The following PRKCH variants were observed in gnomAD, a reference collection of about 807,000 sequenced individuals.
PRKCH encodes protein kinase C eta, also known as protein kinase C eta type.
A neutral mutation model predicts 82.5 loss-of-function variants in PRKCH; 28 were observed. That is an observed-to-expected ratio of 0.34 (90% confidence interval 0.25 to 0.47). PRKCH has a LOEUF of 0.47. PRKCH is among the 20% of genes least tolerant of loss of function. The pLI, the probability that PRKCH is intolerant of heterozygous loss-of-function variation, is 1.00. For synonymous variants in PRKCH, 322 were observed against 327.4 expected (o/e 0.98, Z 0.18); for missense variants, 705 against 881.8 (o/e 0.80, Z 2.54).
intron 1 of PRKCH, among the ~76,000 whole-genome samples, chr14:61,345,475 C>T (rs2045980205): frequency 6.6e-6 from 1 of 152,182 alleles, no homozygotes; most frequent in South Asian, 2.1e-4. Context: ...TTCATGATGG[C>T]TGAAATAGCT....
chr14:61,324,184 G>A (rs1468902996), intron 1 of PRKCH, among the ~76,000 whole-genome samples: 2 of 152,186 alleles, frequency 1.3e-5, no homozygotes, highest in African/African-American at 4.8e-5. Context: ...AAAAGATGAG[G>A]ACTTCTTGGT....
chr14:61,410,799 C>G (rs539807495), intron 2 of PRKCH, among the ~76,000 whole-genome samples: 5 of 152,314 alleles, frequency 3.3e-5, no homozygotes, highest in African/African-American at 1.2e-4. Context: ...GGCCAGGTCC[C>G]TTGGGTGGTC....
At chr14:61,389,418 C>T (rs1202795759) in intron 1 of PRKCH, among the ~76,000 whole-genome samples, 1 of 151,834 alleles carries the variant, frequency 6.6e-6, no homozygotes, top group Non-Finnish European at 1.5e-5. Context: ...ATGCCAGGCA[C>T]AGTGACTCAC....
intron 1 of PRKCH, among the ~76,000 whole-genome samples, chr14:61,388,097 G>A (rs1050645083): frequency 2.7e-5 from 4 of 148,084 alleles, no homozygotes; most frequent in East Asian, 2.0e-4. Context: ...GCAGTGAGCC[G>A]AGATGGTGCT....
At chr14:61,231,566 G>T (rs1259045911) in intron 1 of PRKCH, among the ~76,000 whole-genome samples, 1 of 151,968 alleles carries the variant, frequency 6.6e-6, no homozygotes, top group Admixed American at 6.6e-5. Flanking sequence ...TAGAGACAGG[G>T]TTTCACCGTG....
intron 1 of PRKCH, among the ~76,000 whole-genome samples, chr14:61,190,326 C>A (rs768003184): frequency 6.6e-6 from 1 of 152,164 alleles, no homozygotes; most frequent in Admixed American, 6.5e-5. Flanking sequence ...TCTTCACAGT[C>A]CTTCGACTTA....
At chr14:61,466,653 C>G (rs1368740224) in intron 9 of PRKCH, among the ~76,000 whole-genome samples, 3 of 152,214 alleles carry the variant, frequency 2.0e-5, no homozygotes, top group Non-Finnish European at 4.4e-5. Flanking sequence ...GAAACAGCCT[C>G]TCACTAGCAG....
At chr14:61,360,528 GA>G (rs1410574636) in intron 1 of PRKCH, among the ~76,000 whole-genome samples, 1 of 151,896 alleles carries the variant, frequency 6.6e-6, no homozygotes, top group Non-Finnish European at 1.5e-5. Flanking sequence ...AAAGAAAAAA[GA>G]AAAACTCGAA....
At chr14:61,430,679 A>G (rs1453344795) in intron 2 of PRKCH, among the ~76,000 whole-genome samples, 1 of 152,032 alleles carries the variant, frequency 6.6e-6, no homozygotes, top group Non-Finnish European at 1.5e-5. Context: ...TCACTAACAT[A>G]CTAGTTGGTC....
In PRKCH at chr14:61,455,205, ATT is replaced by A. The variant is rs10689613; in HGVS notation, c.960+1865_960+1866del. On this transcript the variant is annotated intron_variant, in intron 7 of 13. Transcript: ENST00000332981. The stretch of plus-strand genomic sequence containing the variant: ...CCACCACGCCCAGCTAATTTTTTGT[ATT>A]TTTTTTTTTTTTAGTAGAGATGGGG... Among the ~76,000 whole-genome samples, 2,757 of 143,950 alleles carry A rather than the reference ATT, an allele frequency of 0.019. 186 individuals carry two copies. The East Asian group carries it at 0.26, about 14-fold the overall frequency. 94.4% of individuals were successfully genotyped at this position (143,950 alleles called of 152,430 possible).
chr14:61,442,954 T>G (rs930627948), intron 2 of PRKCH, among the ~76,000 whole-genome samples, 157 bp from the exon 3 acceptor site: 1 of 152,010 alleles, frequency 6.6e-6, no homozygotes, highest in Non-Finnish European at 1.5e-5. Flanking sequence ...AAGAGTCCTG[T>G]TAGGAAGCCA....
intron 1 of PRKCH, among the ~76,000 whole-genome samples, chr14:61,358,349 T>C (rs901878914): frequency 6.6e-5 from 10 of 152,154 alleles, no homozygotes; most frequent in Non-Finnish European, 1.5e-4. Flanking sequence ...GCCAGAAACC[T>C]GGGAGTCATC....
chr14:61,285,803 T>C (rs542743188), intron 1 of PRKCH, among the ~76,000 whole-genome samples: 2 of 152,286 alleles, frequency 1.3e-5, no homozygotes, highest in South Asian at 4.2e-4. Flanking sequence ...GTGTCCTGTT[T>C]CTTCAACCAT....
intron 1 of PRKCH, among the ~76,000 whole-genome samples, chr14:61,366,338 G>A (rs1392187141): frequency 2.0e-5 from 3 of 152,066 alleles, no homozygotes; most frequent in Non-Finnish European, 2.9e-5. Context: ...AAAATTTTAA[G>A]CAAGCAATTA....
chr14:61,363,583 C>T (rs2046258324), intron 1 of PRKCH, among the ~76,000 whole-genome samples: 1 of 151,998 alleles, frequency 6.6e-6, no homozygotes, highest in Non-Finnish European at 1.5e-5. Flanking sequence ...TATGTAGGGG[C>T]CAAGGTAATA....
chr14:61,437,297 A>G (rs747369449), intron 2 of PRKCH, among the ~76,000 whole-genome samples: 1 of 152,176 alleles, frequency 6.6e-6, no homozygotes, highest in Non-Finnish European at 1.5e-5. Flanking sequence ...GATGATGTTA[A>G]GCAAAATTCT....
chr14:61,516,392 T>G (rs2042829854), intron 10 of PRKCH, among the ~76,000 whole-genome samples: 1 of 152,140 alleles, frequency 6.6e-6, no homozygotes, highest in Non-Finnish European at 1.5e-5. Flanking sequence ...GGCTAAAAAA[T>G]AAATTTTTCC....
intron 1 of PRKCH, among the ~76,000 whole-genome samples, chr14:61,225,476 G>T (rs971780815): frequency 6.6e-6 from 1 of 152,144 alleles, no homozygotes; most frequent in Non-Finnish European, 1.5e-5. Flanking sequence ...TGGTAAAGGC[G>T]GTGTGCTGTG....
At position 61,271,385 on chromosome 14, in the gene PRKCH, G is replaced by A. The variant is rs371304068; in HGVS notation, c.-19+83717G>A. ...AGTCTTCAGTTCTGGTAGGTCAAGT[G>A]AAATCCCCCTCCACCTTCTCACGCC... On this transcript the variant is annotated intron_variant, in intron 1 of 3. Coordinates refer to the PRKCH transcript ENST00000555185. 3.5e-4 allele frequency among the ~76,000 whole-genome samples: 54 copies of A among 152,306 alleles called. 1 individual carries two copies. The South Asian group carries it at 9.9e-3, about 28-fold the overall frequency.
Sources: gnomAD v4.1 joint callset for allele counts (sites outside exome capture counted in the v4.1 genomes callset) on GRCh38, gnomAD v4.1.1 for gene constraint, MANE v1.5 for transcripts, NCBI Gene and HGNC (gene_info 2026-07-23, HGNC 2026-07-21) for gene names.